ITGAE: variants seen among roughly 807,000 people sequenced by gnomAD.
The protein encoded by ITGAE is integrin subunit alpha E.
ITGAE carries 99 observed loss-of-function variants against 136.5 expected under a neutral mutation model. The observed-to-expected ratio is 0.73, with a 90% CI of 0.62 to 0.86. ITGAE has a LOEUF of 0.86. Among genes scored for constraint, ITGAE ranks in the 40% least tolerant of loss-of-function variants. ITGAE has a pLI of 0.00. For missense variants in ITGAE, 1,447 were observed against 1,515.3 expected (o/e 0.95, Z 0.75); for synonymous variants, 613 against 591.8 (o/e 1.04, Z -0.52).
chr17:3,777,870 G>A (rs917260721), intron 1 of ITGAE, among the ~76,000 whole-genome samples: 7 of 151,772 alleles, frequency 4.6e-5, no homozygotes, highest in Admixed American at 2.6e-4. Flanking sequence ...ACCAGTACCC[G>A]AGCCCCCCTC....
intron 29 of ITGAE, chr17:3,717,238 C>T (rs764973731): frequency 5.0e-5 from 8 of 161,154 alleles, no homozygotes; most frequent in South Asian, 3.3e-4. Flanking sequence ...TCCGTTCTGA[C>T]GGCTCTTTTT....
At position 3,743,624 on chromosome 17, in the gene ITGAE, G is replaced by T; in HGVS notation, c.2320-7C>A. 5 of 1,610,436 alleles carry T rather than the reference G, an allele frequency of 3.1e-6. No homozygotes were observed. Among genetic ancestry groups the T allele is most frequent in the Non-Finnish European group, 4.2e-6 (5 of 1,178,742 alleles). The stretch of plus-strand genomic sequence containing the variant: ...AGCAGTCCTCCTCACAGAGCTGTGG[G>T]GTCACCACGGAAGGCAGGGTTAGAG... On this transcript the variant is annotated splice_region_variant and splice_polypyrimidine_tract_variant and intron_variant, in intron 18 of 30. Coordinates refer to ENST00000263087, the MANE Select transcript of ITGAE (RefSeq NM_002208.5).
At position 3,719,250 on chromosome 17, in the gene ITGAE, A is replaced by G. The variant is rs909505958; in HGVS notation, c.3333+1057T>C. 2.1e-5 allele frequency among the ~76,000 whole-genome samples: 3 copies of G among 146,162 alleles called. No individual in the cohort carries two copies. The East Asian group carries it at 6.1e-4, about 30-fold the overall frequency. On this transcript the variant is annotated intron_variant, in intron 29 of 30. Coordinates refer to ENST00000263087, the MANE Select transcript of ITGAE (RefSeq NM_002208.5). Reference sequence around the variant, plus strand: ...GATTCTTCCTCAAAAAAAAAAAAAAAAAAAAAGAAAAGAAAAGAAAAAGAA... The same window carrying G: ...GATTCTTCCTCAAAAAAAAAAAAAAGAAAAAAGAAAAGAAAAGAAAAAGAA...
At chr17:3,737,825 CT>C (rs1430412085) in intron 20 of ITGAE, among the ~76,000 whole-genome samples, 10 of 152,260 alleles carry the variant, frequency 6.6e-5, no homozygotes, top group African/African-American at 1.4e-4. Flanking sequence ...GACGACCAGG[CT>C]CACTAGCGTT....
At chr17:3,720,558 G>C in intron 28 of ITGAE, 156 bp from the exon 29 acceptor site, 1 of 477,492 alleles carries the variant, frequency 2.1e-6, no homozygotes. Flanking sequence ...ACCCAAACAA[G>C]ACATCTGCAG....
chr17:3,733,483 G>A (rs533976744), intron 21 of ITGAE, among the ~76,000 whole-genome samples: 39 of 152,188 alleles, frequency 2.6e-4, no homozygotes, highest in Admixed American at 5.9e-4. Flanking sequence ...GTGCAGTGGC[G>A]CAATCTCAGC....
intron 15 of ITGAE, 86 bp from the exon 16 acceptor site, chr17:3,750,568 A>G: frequency 1.3e-5 from 19 of 1,505,834 alleles, no homozygotes; most frequent in Non-Finnish European, 1.6e-5. Context: ...CCCGATCAGC[A>G]TCGCAGGCAC....
intron 1 of ITGAE, among the ~76,000 whole-genome samples, chr17:3,792,395 G>A (rs777340953): frequency 4.2e-4 from 64 of 152,336 alleles, no homozygotes; most frequent in South Asian, 1.7e-3. Flanking sequence ...GGGATTACAC[G>A]CGTGAGCCAC....
intron 20 of ITGAE, among the ~76,000 whole-genome samples, chr17:3,736,859 G>A (rs1490092463): frequency 6.6e-6 from 1 of 152,098 alleles, no homozygotes; most frequent in East Asian, 1.9e-4. Context: ...AATGTGAGGT[G>A]TGTTTTGTTC....
chr17:3,746,875 G>A (rs1418023889), intron 17 of ITGAE, among the ~76,000 whole-genome samples: 3 of 152,184 alleles, frequency 2.0e-5, no homozygotes, highest in Admixed American at 2.0e-4. Context: ...ACAGGCGTGA[G>A]CTACCACACC....
In ITGAE at chr17:3,760,997, A is replaced by C; in HGVS notation, c.598+16T>G. On this transcript the variant is annotated intron_variant, in intron 6 of 30. Transcript: ENST00000263087. Reference sequence around the variant, plus strand: ...CTCTGATAGACTCAGAGCAACCCAGATCTGCCTCTTCTCACCAGCTTCCTC... The same window carrying C: ...CTCTGATAGACTCAGAGCAACCCAGCTCTGCCTCTTCTCACCAGCTTCCTC... The C allele has an allele frequency of 6.3e-7, 1 of 1,594,582 alleles. No homozygotes were observed. The highest frequency in any genetic ancestry group is 8.5e-7 in the Non-Finnish European group (1 of 1,177,320).
chr17:3,723,670 CG>C lies in ITGAE; in HGVS notation c.3141+17del. ...GGCCCTCCGCCCTCCCCTGGCCTCT[CG>C]GGACGGCCGCGCTTACCTGAACCGA... On this transcript the variant is annotated intron_variant, in intron 27 of 30. Coordinates refer to ENST00000263087, the MANE Select transcript of ITGAE (RefSeq NM_002208.5). The C allele has an allele frequency of 6.3e-7, 1 of 1,575,052 alleles. No individual in the cohort carries two copies. The highest frequency in any genetic ancestry group is 1.3e-5 in the African/African-American group (1 of 74,186).
intron 23 of ITGAE, chr17:3,730,544 T>C (rs1183459204): frequency 6.5e-6 from 1 of 152,770 alleles, no homozygotes; most frequent in Non-Finnish European, 1.5e-5. Flanking sequence ...AATACTGATT[T>C]TAAAAGGGCT....
intron 3 of ITGAE, 90 bp downstream of exon 3, chr17:3,763,779 C>A: frequency 9.8e-7 from 1 of 1,016,032 alleles, no homozygotes; most frequent in Non-Finnish European, 1.6e-6. Flanking sequence ...TGAGGCAGGG[C>A]TGGGGTTGGA....
At chr17:3,764,085 C>G (rs1237369436) in intron 2 of ITGAE, 125 bp from the exon 3 acceptor site, 1 of 646,658 alleles carries the variant, frequency 1.5e-6, no homozygotes, top group Admixed American at 2.9e-5. Flanking sequence ...CGGCAGATTC[C>G]TAGCCCAGAC....
chr17:3,792,737 G>A (rs1307802255), intron 1 of ITGAE, among the ~76,000 whole-genome samples: 3 of 152,176 alleles, frequency 2.0e-5, no homozygotes, highest in Admixed American at 6.6e-5. Context: ...TTGATTCAAC[G>A]CATACATGAA....
chr17:3,783,866 A>T (rs1330850697), intron 1 of ITGAE, among the ~76,000 whole-genome samples: 1 of 152,264 alleles, frequency 6.6e-6, no homozygotes, highest in Non-Finnish European at 1.5e-5. Context: ...ATCATTTCAA[A>T]ATATAAAAGC....
intron 14 of ITGAE, among the ~76,000 whole-genome samples, chr17:3,752,482 G>T (rs1027837177): frequency 1.3e-5 from 2 of 152,206 alleles, no homozygotes; most frequent in African/African-American, 4.8e-5. Context: ...TCAGCTGGGC[G>T]CGGTGACTCA....
chr17:3,773,841 G>C (rs2052482303), intron 2 of ITGAE, among the ~76,000 whole-genome samples: 1 of 152,110 alleles, frequency 6.6e-6, no homozygotes, highest in South Asian at 2.1e-4. Flanking sequence ...GGGGGCTGCC[G>C]GTCCCCCGTC....
Sources: gnomAD v4.1 joint callset for allele counts (sites outside exome capture counted in the v4.1 genomes callset) on GRCh38, gnomAD v4.1.1 for gene constraint, MANE v1.5 for transcripts, NCBI Gene and HGNC (gene_info 2026-07-23, HGNC 2026-07-21) for gene names.